CLNK: variants seen among roughly 807,000 people sequenced by gnomAD.
CLNK encodes the protein cytokine-dependent hematopoietic cell linker.
CLNK carries 74 observed loss-of-function variants against 68.6 expected under a neutral mutation model. That is an observed-to-expected ratio of 1.08 (90% CI 0.89 to 1.31). The LOEUF is 1.31. CLNK is among the 50% of genes most tolerant of loss of function. The pLI, the probability that CLNK is intolerant of heterozygous loss-of-function variation, is 0.00. For synonymous variants in CLNK, 198 were observed against 172.2 expected (o/e 1.15, Z -1.17); for missense variants, 553 against 515.3 (o/e 1.07, Z -0.71).
At chr4:10,494,898 T>C (rs1307309534) in intron 18 of CLNK, among the ~76,000 whole-genome samples, 3 of 152,208 alleles carry the variant, frequency 2.0e-5, no homozygotes, top group Non-Finnish European at 4.4e-5. Context: ...TGTTATGCTA[T>C]TATTAGATCT....
chr4:10,535,851 G>C (rs1265714598), intron 11 of CLNK, among the ~76,000 whole-genome samples: 3 of 151,992 alleles, frequency 2.0e-5, no homozygotes, highest in Non-Finnish European at 2.9e-5. Context: ...AAAATGAGCA[G>C]AGCAGAAAAA....
intron 3 of CLNK, among the ~76,000 whole-genome samples, chr4:10,585,947 G>C (rs773029070): frequency 2.0e-5 from 3 of 152,140 alleles, no homozygotes; most frequent in Non-Finnish European, 4.4e-5. Context: ...ATGGGGGTGG[G>C]GGATGGTTTC....
At chr4:10,711,134 A>G in the CLNK span, among the ~76,000 whole-genome samples, 1 of 152,188 alleles carries the variant, frequency 6.6e-6, no homozygotes, top group Non-Finnish European at 1.5e-5. Flanking sequence ...TGTAAGCAGC[A>G]TACTCCTCTG....
At chr4:10,536,808 G>A (rs1425028527) in intron 11 of CLNK, among the ~76,000 whole-genome samples, 1 of 151,932 alleles carries the variant, frequency 6.6e-6, no homozygotes, top group African/African-American at 2.4e-5. Context: ...GTAACTACAG[G>A]AACCCCAGAG....
chr4:10,528,696 C>A (rs140372963), intron 12 of CLNK, among the ~76,000 whole-genome samples: 2 of 152,140 alleles, frequency 1.3e-5, no homozygotes, highest in East Asian at 3.9e-4. Context: ...TATTTTTATG[C>A]AATTATATTT....
At chr4:10,685,310 C>CT (rs1156255483), upstream of CLNK, among the ~76,000 whole-genome samples, 1 of 151,846 alleles carries the variant, frequency 6.6e-6, no homozygotes, top group Non-Finnish European at 1.5e-5. Context: ...ATTTTAGAAA[C>CT]TTTTTTAAAA....
At chr4:10,641,676 G>T (rs569510365) in intron 2 of CLNK, among the ~76,000 whole-genome samples, 1 of 152,276 alleles carries the variant, frequency 6.6e-6, no homozygotes, top group Admixed American at 6.5e-5. Flanking sequence ...CATCCTTCAA[G>T]TACATCATCC....
intron 15 of CLNK, among the ~76,000 whole-genome samples, chr4:10,517,968 G>A (rs1480104656): frequency 1.3e-5 from 2 of 151,324 alleles, no homozygotes; most frequent in African/African-American, 4.9e-5. Context: ...GTATTTAGTT[G>A]ATTTTGTTTT....
At chr4:10,646,511 C>T (rs906805867) in intron 2 of CLNK, among the ~76,000 whole-genome samples, 3 of 152,256 alleles carry the variant, frequency 2.0e-5, no homozygotes, top group Middle Eastern at 3.4e-3. Flanking sequence ...CAGATGCGTC[C>T]AAGAAAATTC....
At chr4:10,634,299 G>C (rs1722997999) in intron 2 of CLNK, among the ~76,000 whole-genome samples, 1 of 152,202 alleles carries the variant, frequency 6.6e-6, no homozygotes, top group Non-Finnish European at 1.5e-5. Context: ...ACACCTGGGT[G>C]GTCATTTTGG....
intron 2 of CLNK, among the ~76,000 whole-genome samples, chr4:10,636,397 G>C (rs1318964142): frequency 6.6e-6 from 1 of 152,172 alleles, no homozygotes; most frequent in East Asian, 1.9e-4. Flanking sequence ...TGCAAGGGGA[G>C]GAATGCCAAG....
rs757210066 is a variant in CLNK at position 10,488,101 on chromosome 4, T to G, written c.*2366A>C. 1 of 152,220 alleles carries G rather than the reference T, an allele frequency of 6.6e-6. No homozygotes were observed. Among genetic ancestry groups the G allele is most frequent in the Non-Finnish European group, 1.5e-5 (1 of 68,038 alleles). 9.4% of individuals were successfully genotyped at this position (152,220 alleles called of 1,614,324 possible). On this transcript the variant is annotated 3_prime_UTR_variant, in exon 19 of 19. Coordinates refer to ENST00000226951, the MANE Select transcript of CLNK (RefSeq NM_052964.4). ...AAGCTTTTTATTGCAAGATGTTTAATTTCTTTTTTTTCTTCCTTTTCCCCT... is the reference window on the plus strand; with the variant it reads ...AAGCTTTTTATTGCAAGATGTTTAAGTTCTTTTTTTTCTTCCTTTTCCCCT...
At chr4:10,618,660 G>A (rs1722318589) in intron 2 of CLNK, among the ~76,000 whole-genome samples, 1 of 152,176 alleles carries the variant, frequency 6.6e-6, no homozygotes, top group Non-Finnish European at 1.5e-5. Flanking sequence ...CTGCTTCTGG[G>A]GAGGCCTCAG....
At chr4:10,513,645 G>A (rs372162774) in intron 15 of CLNK, 48 bp from the exon 16 acceptor site, 4 of 1,543,188 alleles carry the variant, frequency 2.6e-6, no homozygotes, top group Middle Eastern at 2.2e-4. Flanking sequence ...GACTGGTGCA[G>A]TCTGTCCCCC....
chr4:10,566,854 GC>G (rs1293372171), intron 5 of CLNK, among the ~76,000 whole-genome samples: 16 of 151,834 alleles, frequency 1.1e-4, no homozygotes, highest in African/African-American at 3.9e-4. Context: ...GATTATATTA[GC>G]AATAGCATCA....
rs1724446384 is a variant in CLNK, at chr4:10,667,504, C to A, written c.11+355G>T. Among the ~76,000 whole-genome samples the A allele has an allele frequency of 2.6e-5, 4 of 151,776 alleles. 1 individual carries two copies. The South Asian group carries it at 8.3e-4, about 32-fold the overall frequency. The stretch of plus-strand genomic sequence containing the variant: ...CACAAAGAGAAAGTTGGACTCCAGG[C>A]TTTCTCCTGTGGGAAAAAGCACACA... On this transcript the variant is annotated intron_variant, in intron 2 of 18. Coordinates refer to ENST00000226951, the MANE Select transcript of CLNK (RefSeq NM_052964.4).
chr4:10,688,597 A>G (rs1364412946), upstream of CLNK, among the ~76,000 whole-genome samples: 1 of 152,174 alleles, frequency 6.6e-6, no homozygotes, highest in Non-Finnish European at 1.5e-5. Context: ...GATGAGTTAT[A>G]TAACCTGACT....
In CLNK at chr4:10,509,212, A is replaced by C. The variant is rs1043510397; in HGVS notation, c.907-1176T>G. On this transcript the variant is annotated intron_variant, in intron 16 of 18. Coordinates refer to ENST00000226951, the MANE Select transcript of CLNK (RefSeq NM_052964.4). Reference sequence around the variant, plus strand: ...CTCATTCATTTGGAGTCTGTGGTCCACTGGAAAGTAAACCTGATATATTAA... The same window carrying C: ...CTCATTCATTTGGAGTCTGTGGTCCCCTGGAAAGTAAACCTGATATATTAA... 2.0e-5 allele frequency among the ~76,000 whole-genome samples: 3 copies of C among 151,936 alleles called. No homozygotes were observed. In the East Asian group the frequency reaches 5.8e-4, roughly 29 times the overall value.
intron 2 of CLNK, among the ~76,000 whole-genome samples, chr4:10,653,706 G>A (rs553310816): frequency 1.3e-5 from 2 of 152,120 alleles, no homozygotes; most frequent in African/African-American, 2.4e-5. Context: ...GAAGTTACTC[G>A]TATCAAAAAT....
Sources: allele counts gnomAD v4.1 joint callset (sites outside exome capture counted in the v4.1 genomes callset), GRCh38; gene constraint gnomAD v4.1.1; transcripts MANE v1.5; gene names NCBI Gene and HGNC (gene_info 2026-07-23, HGNC 2026-07-21).